Variants in CGB1 observed in about 807,000 individuals in gnomAD.
CGB1 encodes the protein chorionic gonadotropin subunit beta 1.
A neutral mutation model predicts 7.0 loss-of-function variants in CGB1; 4 were observed. The observed-to-expected ratio is 0.57, with a 90% CI of 0.28 to 1.31. The LOEUF (loss-of-function observed/expected upper bound fraction) is 1.31. Among genes scored for constraint, CGB1 ranks in the 50% most tolerant of loss-of-function variants. The pLI, the probability that CGB1 is intolerant of heterozygous loss-of-function variation, is 0.10. For synonymous variants in CGB1, 72 were observed against 96.4 expected, an observed-to-expected ratio of 0.75 and a Z score of 1.48; for missense variants, 139 against 219.1, an observed-to-expected ratio of 0.63 and a Z score of 2.31.
rs2039806573 is a variant in CGB1 at position 49,035,739 on chromosome 19, G to A, written c.339C>T (p.Arg113=). Residue 113 remains arginine, a synonymous_variant, in exon 3 of 3, where the codon CGC becomes CGT. Coordinates refer to ENST00000301407, the MANE Select transcript of CGB1 (RefSeq NM_033377.2). ...ALSCQCALCR[R]STTDCGGPKD... ...TGGGACCCCCGCAGTCAGTGGTGCT[G>A]CGGCGGCAGAGTGCACATTGACAGC... is the stretch of plus-strand genomic sequence containing the variant. 1.2e-6 allele frequency: 2 copies of A among 1,608,464 alleles called. No homozygotes were observed. The highest frequency in any genetic ancestry group is 2.3e-4 in the Middle Eastern group (1 of 4,424).
chr19:49,036,870 G>A lies in CGB1; in HGVS notation c.-159C>T. The A allele has an allele frequency of 1.9e-6, 2 of 1,027,076 alleles. No individual in the cohort carries two copies. Among genetic ancestry groups the A allele is most frequent in the Middle Eastern group, 2.1e-4 (1 of 4,794 alleles). The allele number at this position is 1,027,076 out of a possible 1,614,324, so 63.6% of individuals were successfully genotyped here. ...GGACCCAATTGGCTGCTCTCTCTCA[G>A]ATGCAGTTCCCCTTCCTCCCTCCAG... On this transcript the variant is annotated 5_prime_UTR_variant, in exon 1 of 3. Transcript: ENST00000301407.
chr19:49,036,582 A>G (rs2039821934), intron 1 of CGB1, 121 bp downstream of exon 1: 1 of 1,613,582 alleles, frequency 6.2e-7, no homozygotes, highest in African/African-American at 1.3e-5. Context: ...CACAGCTCAC[A>G]CGGGTCTGCC....
rs1600224361 is a variant in CGB1 at position 49,036,783 on chromosome 19, G to T, written c.-72C>A. 6.2e-6 allele frequency: 10 copies of T among 1,609,078 alleles called. No homozygotes were observed. Among genetic ancestry groups the T allele is most frequent in the Non-Finnish European group, 7.7e-6 (9 of 1,175,690 alleles). On this transcript the variant is annotated 5_prime_UTR_variant, in exon 1 of 3. Coordinates refer to ENST00000301407, the MANE Select transcript of CGB1 (RefSeq NM_033377.2). ...CATGGAAAGTAAATTGAGTCTCCGT[G>T]GGGGAGTGAGACAGGGAGTGAGGGG...
In CGB1 at chr19:49,036,794, A is replaced by T; in HGVS notation, c.-83T>A. On this transcript the variant is annotated 5_prime_UTR_variant, in exon 1 of 3. Transcript: ENST00000301407. ...AATTGAGTCTCCGTGGGGGAGTGAG[A>T]CAGGGAGTGAGGGGTGTTGGACGCG... The T allele has an allele frequency of 6.2e-7, 1 of 1,602,282 alleles. No individual in the cohort carries two copies. The highest frequency in any genetic ancestry group is 8.5e-7 in the Non-Finnish European group (1 of 1,169,642).
At chr19:49,036,390 A>T in intron 1 of CGB1, 87 bp from the exon 2 acceptor site, 2 of 1,600,966 alleles carry the variant, frequency 1.2e-6, no homozygotes, top group Admixed American at 1.7e-5. Flanking sequence ...CCACCCACAA[A>T]GACCCAGAGA....
rs1463048562 is a variant in CGB1, at chr19:49,036,236, C to G, written c.77G>C (p.Arg26Pro). Reference sequence around the variant, plus strand: ...CAGGGTGGCATTGATGGGGCGGCACCGTGGCCGAAGCGGCTCCTTGGATGC... The same window carrying G: ...CAGGGTGGCATTGATGGGGCGGCACGGTGGCCGAAGCGGCTCCTTGGATGC... ...TWASKEPLRPRCRPINATLAV... is the reference protein window; with the variant it reads ...TWASKEPLRPPCRPINATLAV... The change falls in exon 2 of 3, where the codon CGG becomes CCG. Residue 26 changes from arginine to proline, a missense_variant. Arg to Pro is a moderately radical substitution (Grantham distance 103, BLOSUM62 -2). Transcript: ENST00000301407. The G allele has an allele frequency of 6.2e-7, 1 of 1,609,328 alleles. No homozygotes were observed. The highest frequency in any genetic ancestry group is 1.3e-5 in the African/African-American group (1 of 74,626).
intron 1 of CGB1, 191 bp downstream of exon 1, chr19:49,036,512 A>G (rs1299563007): frequency 6.3e-7 from 1 of 1,591,562 alleles, no homozygotes; most frequent in Non-Finnish European, 8.6e-7. Flanking sequence ...CCGCACCCTC[A>G]GGAACTGACC....
chr19:49,036,370 G>A (rs1195008614), intron 1 of CGB1, 67 bp from the exon 2 acceptor site: 35 of 1,601,506 alleles, frequency 2.2e-5, no homozygotes, highest in South Asian at 3.3e-5. Flanking sequence ...TTCCCATCCC[G>A]CATGGTACAC....
At chr19:49,036,352 T>A (rs2039818399) in intron 1 of CGB1, 49 bp from the exon 2 acceptor site, 2 of 1,602,308 alleles carry the variant, frequency 1.2e-6, no homozygotes, top group Non-Finnish European at 1.7e-6. Context: ...CAGCCCCCAG[T>A]CCTGGCCTTC....
chr19:49,036,613 C>T (rs1353353562), intron 1 of CGB1, 90 bp downstream of exon 1: 7 of 1,613,846 alleles, frequency 4.3e-6, no homozygotes, highest in African/African-American at 2.7e-5. Flanking sequence ...CCAGTGATGG[C>T]CTGGAAGGAG....
chr19:49,036,603 C>A, intron 1 of CGB1, 100 bp downstream of exon 1: 4 of 1,613,922 alleles, frequency 2.5e-6, no homozygotes, highest in Non-Finnish European at 3.4e-6. Context: ...CCTTCTCATG[C>A]CAGTGATGGC....
chr19:49,036,491 A>G, intron 1 of CGB1, 188 bp from the exon 2 acceptor site: 4 of 1,563,892 alleles, frequency 2.6e-6, no homozygotes, highest in Non-Finnish European at 3.5e-6. Flanking sequence ...AGATACCCCA[A>G]CATTTCAGAT....
At chr19:49,036,608 G>C in intron 1 of CGB1, 95 bp downstream of exon 1, 1 of 1,613,984 alleles carries the variant, frequency 6.2e-7, no homozygotes, top group East Asian at 2.2e-5. Flanking sequence ...TCATGCCAGT[G>C]ATGGCCTGGA....
chr19:49,036,592 C>G, intron 1 of CGB1, 111 bp downstream of exon 1: 1 of 1,613,892 alleles, frequency 6.2e-7, no homozygotes, highest in Non-Finnish European at 8.5e-7. Context: ...ACGGGTCTGC[C>G]CCTTCTCATG....
rs1276555275 is a variant in CGB1, at chr19:49,036,692, A to G, written c.9+11T>C. The G allele has an allele frequency of 7.4e-6, 12 of 1,613,930 alleles. No individual in the cohort carries two copies. The East Asian group carries it at 2.7e-4, about 36-fold the overall frequency. ...CCATCTTTGGTGCCCGGAAATGTGG[A>G]TCTACCCTACCTTTGACATGTCTCT... On this transcript the variant is annotated intron_variant, in intron 1 of 2. Coordinates refer to ENST00000301407, the MANE Select transcript of CGB1 (RefSeq NM_033377.2).
chr19:49,036,880 C>T lies in CGB1; in HGVS notation c.-169G>A. ...GGCTGCTCTCTCTCAGATGCAGTTCCCCTTCCTCCCTCCAGGGGGCGCCAC... is the reference window on the plus strand; with the variant it reads ...GGCTGCTCTCTCTCAGATGCAGTTCTCCTTCCTCCCTCCAGGGGGCGCCAC... On this transcript the variant is annotated 5_prime_UTR_variant, in exon 1 of 3. Coordinates refer to ENST00000301407, the MANE Select transcript of CGB1 (RefSeq NM_033377.2). 1 of 917,190 alleles carries T rather than the reference C, an allele frequency of 1.1e-6. No homozygotes were observed. The highest frequency in any genetic ancestry group is 1.7e-6 in the Non-Finnish European group (1 of 585,540). 56.8% of individuals were successfully genotyped at this position (917,190 alleles called of 1,614,324 possible). A position where few individuals can be genotyped will look rare whatever the true frequency, so the allele number is the denominator to read the frequency against.
rs1438551223 is a variant in CGB1 at position 49,036,496 on chromosome 19, T to A, written c.10-193A>T. 8.3e-6 allele frequency: 13 copies of A among 1,569,250 alleles called. No individual in the cohort carries two copies. In the East Asian group the frequency reaches 3.0e-4, roughly 36 times the overall value. ...AGAGGACCTGAGATACCCCAACATT[T>A]CAGATCCGCACCCTCAGGAACTGAC... On this transcript the variant is annotated intron_variant, in intron 1 of 2. Coordinates refer to ENST00000301407, the MANE Select transcript of CGB1 (RefSeq NM_033377.2).
At chr19:49,035,978 G>T in intron 2 of CGB1, 78 bp from the exon 3 acceptor site, 1 of 1,264,324 alleles carries the variant, frequency 7.9e-7, no homozygotes, top group Non-Finnish European at 1.1e-6. Context: ...TGCCCCCACA[G>T]GTCTCAGACT....
chr19:49,036,249 G>T lies in CGB1; in HGVS notation c.64C>A (p.Pro22Thr), dbSNP rs1185137906. 6.2e-7 allele frequency: 1 copy of T among 1,608,650 alleles called. No homozygotes were observed. Among genetic ancestry groups the T allele is most frequent in the African/African-American group, 1.3e-5 (1 of 74,720 alleles). Reference protein sequence around the residue: ...SMGGTWASKEPLRPRCRPINA... With the variant: ...SMGGTWASKETLRPRCRPINA... ...ATGGGGCGGCACCGTGGCCGAAGCG[G>T]CTCCTTGGATGCCCATGTCCCGCCC... Residue 22 changes from proline to threonine, a missense_variant, in exon 2 of 3, where the codon CCG becomes ACG. Coordinates refer to ENST00000301407, the MANE Select transcript of CGB1 (RefSeq NM_033377.2).
Sources: gnomAD v4.1 joint callset for allele counts on GRCh38, gnomAD v4.1.1 for gene constraint, MANE v1.5 for transcripts, NCBI Gene and HGNC (gene_info 2026-07-23, HGNC 2026-07-21) for gene names.